PRKG1: variants seen among roughly 807,000 people sequenced by gnomAD.
The protein encoded by PRKG1 is protein kinase cGMP-dependent 1, also known as cGMP-dependent protein kinase 1.
In PRKG1, 35 loss-of-function variants were observed where a neutral mutation model predicts 88.1. That is an observed-to-expected ratio of 0.40 (90% CI 0.30 to 0.53). The LOEUF (loss-of-function observed/expected upper bound fraction) is 0.53. Among genes scored for constraint, PRKG1 ranks in the 20% least tolerant of loss-of-function variants. PRKG1 has a pLI of 0.59. For missense variants in PRKG1, 540 were observed against 839.8 expected (o/e 0.64, Z 4.41); for synonymous variants, 303 against 292.5 (o/e 1.04, Z -0.37).
intron 4 of PRKG1, among the ~76,000 whole-genome samples, chr10:51,824,848 A>C (rs1050398380): frequency 1.3e-5 from 2 of 151,908 alleles, no homozygotes; most frequent in African/African-American, 4.8e-5. Context: ...TGAGGGATTC[A>C]CCCCCATGAC....
intron 2 of PRKG1, among the ~76,000 whole-genome samples, chr10:51,412,211 GAGAAAGAA>G (rs374467182): frequency 0.15 from 18,363 of 122,920 alleles, 1,175 homozygotes; most frequent in Admixed American, 0.23. Context: ...GAGAGAGAGA[GAGAAAGAA>G]AGAGAGAAAG....
At chr10:51,987,851 G>A (rs1196887120) in intron 5 of PRKG1, among the ~76,000 whole-genome samples, 3 of 151,932 alleles carry the variant, frequency 2.0e-5, no homozygotes, top group African/African-American at 7.2e-5. Context: ...TCAAGAAAAC[G>A]GCCACAAGGA....
At position 51,424,319 on chromosome 10, in the gene PRKG1, A is replaced by G. The variant is rs187744116; in HGVS notation, c.479-43404A>G. On this transcript the variant is annotated intron_variant, in intron 2 of 17. Transcript: ENST00000373980. ...GTTATATTTTTTCCACATATATTTC[A>G]TAAATTTTATCTTATGAATTACAGA... 6.7e-3 allele frequency among the ~76,000 whole-genome samples: 1,023 copies of G among 152,148 alleles called. 14 individuals carry two copies. Among genetic ancestry groups the G allele is most frequent in the African/African-American group, 0.024 (987 of 41,540 alleles).
chr10:51,900,282 A>G (rs1356613169), intron 4 of PRKG1, among the ~76,000 whole-genome samples: 1 of 152,208 alleles, frequency 6.6e-6, no homozygotes, highest in African/African-American at 2.4e-5. Context: ...TAGCCTTTCA[A>G]GATAATGTGG....
chr10:51,286,956 A>C (rs1008692153), intron 2 of PRKG1, among the ~76,000 whole-genome samples: 8 of 152,058 alleles, frequency 5.3e-5, no homozygotes, highest in African/African-American at 1.9e-4. Flanking sequence ...GACTCACTGG[A>C]GCCTTGACTT....
At chr10:51,781,707 T>A (rs1019359286) in intron 3 of PRKG1, among the ~76,000 whole-genome samples, 16 of 152,250 alleles carry the variant, frequency 1.1e-4, no homozygotes, top group East Asian at 7.7e-4. Flanking sequence ...TTCTGTCCAC[T>A]GGAGAGGGGC....
chr10:51,490,518 A>G (rs1489594344), intron 3 of PRKG1, among the ~76,000 whole-genome samples: 1 of 152,148 alleles, frequency 6.6e-6, no homozygotes, highest in African/African-American at 2.4e-5. Context: ...CTTTACATGC[A>G]TTATTACTTA....
At chr10:51,970,389 AC>A (rs951010074) in intron 5 of PRKG1, among the ~76,000 whole-genome samples, 1 of 150,406 alleles carries the variant, frequency 6.6e-6, no homozygotes, top group Non-Finnish European at 1.5e-5. Flanking sequence ...CATTTCTACA[AC>A]CTTTTTTTTT....
At chr10:51,981,812 G>T (rs988224842) in intron 5 of PRKG1, among the ~76,000 whole-genome samples, 12 of 152,104 alleles carry the variant, frequency 7.9e-5, no homozygotes, top group African/African-American at 2.7e-4. Context: ...TTCTCGTGAA[G>T]TATTTTAGTG....
chr10:51,759,956 C>T (rs10999317), intron 3 of PRKG1, among the ~76,000 whole-genome samples: 10,992 of 152,202 alleles, frequency 0.072, 448 homozygotes, highest in East Asian at 0.091. Context: ...AACAGCTTTA[C>T]TTAGAATCTC....
chr10:51,826,662 T>C (rs1839888757), intron 4 of PRKG1, among the ~76,000 whole-genome samples: 1 of 152,138 alleles, frequency 6.6e-6, no homozygotes, highest in Non-Finnish European at 1.5e-5. Flanking sequence ...GTGTCTACTA[T>C]GTCTGGGGAA....
intron 5 of PRKG1, among the ~76,000 whole-genome samples, chr10:51,982,825 G>A (rs1844046263): frequency 6.6e-6 from 1 of 152,208 alleles, no homozygotes; most frequent in Non-Finnish European, 1.5e-5. Flanking sequence ...GCAGTGTAGT[G>A]GGGTGCACAC....
At chr10:52,076,521 C>T (rs1362292938) in intron 7 of PRKG1, among the ~76,000 whole-genome samples, 2 of 152,180 alleles carry the variant, frequency 1.3e-5, no homozygotes, top group Non-Finnish European at 2.9e-5. Flanking sequence ...CATGCCACTG[C>T]ACTCCAGCCT....
At chr10:51,155,910 T>C (rs994306887) in intron 2 of PRKG1, among the ~76,000 whole-genome samples, 3 of 152,026 alleles carry the variant, frequency 2.0e-5, no homozygotes, top group Non-Finnish European at 2.9e-5. Context: ...TACAGTAGAA[T>C]AATTTTTGAG....
intron 2 of PRKG1, among the ~76,000 whole-genome samples, chr10:51,391,824 C>A (rs190401764): frequency 1.3e-5 from 2 of 152,174 alleles, no homozygotes. Context: ...TTATTTTATA[C>A]GAGGTGGTGT....
chr10:51,437,635 G>A (rs1293219217), intron 2 of PRKG1, among the ~76,000 whole-genome samples: 2 of 151,658 alleles, frequency 1.3e-5, no homozygotes, highest in South Asian at 2.1e-4. Flanking sequence ...ATTATCTTTC[G>A]GGAAGCCCAA....
chr10:51,083,528 TC>T (rs1554834684), intron 1 of PRKG1, among the ~76,000 whole-genome samples: 1 of 151,298 alleles, frequency 6.6e-6, no homozygotes. Flanking sequence ...TTTTTTTTTT[TC>T]CTACAGATAT....
intron 2 of PRKG1, among the ~76,000 whole-genome samples, chr10:51,211,597 T>A: frequency 6.6e-6 from 1 of 152,218 alleles, no homozygotes; most frequent in Non-Finnish European, 1.5e-5. Context: ...CTCCTTAAGC[T>A]GATAAGCAAC....
intron 2 of PRKG1, among the ~76,000 whole-genome samples, chr10:51,250,066 A>T (rs1182266267): frequency 2.0e-5 from 3 of 151,794 alleles, no homozygotes; most frequent in Non-Finnish European, 4.4e-5. Context: ...ATGAGCCTAC[A>T]GTTACTGAAT....
Sources: allele counts gnomAD v4.1 joint callset (sites outside exome capture counted in the v4.1 genomes callset), GRCh38; gene constraint gnomAD v4.1.1; transcripts MANE v1.5; gene names NCBI Gene and HGNC (gene_info 2026-07-23, HGNC 2026-07-21).